Variants in UPF3A observed in about 807,000 individuals in gnomAD.
UPF3A encodes the protein regulator of nonsense transcripts 3A.
UPF3A carries 42 observed loss-of-function variants against 53.5 expected under a neutral mutation model. That is an observed-to-expected ratio of 0.78 (90% CI 0.61 to 1.01). The LOEUF (loss-of-function observed/expected upper bound fraction) is 1.01. Among genes scored for constraint, UPF3A ranks in the 50% least tolerant of loss-of-function variants. The pLI is 0.00. For synonymous variants in UPF3A, 237 were observed against 225.3 expected (o/e 1.05, Z -0.47); for missense variants, 575 against 598.0 (o/e 0.96, Z 0.40).
At chr13:114,294,993 T>C (rs1286730164) in intron 7 of UPF3A, among the ~76,000 whole-genome samples, 2 of 150,638 alleles carry the variant, frequency 1.3e-5, no homozygotes, top group African/African-American at 4.9e-5. Context: ...GAGCCTGTAG[T>C]CCCAGCTACT....
intron 9 of UPF3A, 98 bp downstream of exon 9, chr13:114,302,123 A>G: frequency 8.1e-7 from 1 of 1,240,472 alleles, no homozygotes; most frequent in Non-Finnish European, 1.1e-6. Flanking sequence ...TGTCTTGGGG[A>G]ACGCAGTGCT....
chr13:114,303,143 A>C (rs1201751184), intron 9 of UPF3A, among the ~76,000 whole-genome samples: 1 of 152,054 alleles, frequency 6.6e-6, no homozygotes, highest in African/African-American at 2.4e-5. Context: ...AAGCCAGAGG[A>C]GAGCCTTCTT....
At chr13:114,288,665 G>T (rs868460980) in intron 5 of UPF3A, among the ~76,000 whole-genome samples, 1 of 152,134 alleles carries the variant, frequency 6.6e-6, no homozygotes, top group African/African-American at 2.4e-5. Flanking sequence ...ATAGACTGTG[G>T]ATGCCAAGAG....
intron 7 of UPF3A, among the ~76,000 whole-genome samples, chr13:114,297,758 G>A (rs941690238): frequency 1.3e-5 from 2 of 152,152 alleles, no homozygotes; most frequent in African/African-American, 4.8e-5. Flanking sequence ...GAACCAGGGT[G>A]GCAGAGGTTG....
intron 8 of UPF3A, among the ~76,000 whole-genome samples, chr13:114,299,496 G>T (rs1041543497): frequency 2.0e-5 from 3 of 152,176 alleles, no homozygotes; most frequent in African/African-American, 7.2e-5. Context: ...GTGATCCTTT[G>T]GTTGAAGCTG....
At chr13:114,301,029 T>TC (rs2086561564) in intron 8 of UPF3A, among the ~76,000 whole-genome samples, 1 of 151,356 alleles carries the variant, frequency 6.6e-6, no homozygotes, top group South Asian at 2.1e-4. Context: ...CAGGCTGGTC[T>TC]CCAACTCCTG....
At chr13:114,303,378 G>T (rs1044770702) in intron 9 of UPF3A, among the ~76,000 whole-genome samples, 15 of 152,322 alleles carry the variant, frequency 9.8e-5, no homozygotes, top group African/African-American at 2.6e-4. Flanking sequence ...GTGCTGTGGT[G>T]GGAATGAGGC....
Position 114,282,043 on chromosome 13 carries a change from C to T in UPF3A, c.230C>T (p.Pro77Leu), listed in dbSNP as rs778022698. 6.1e-5 allele frequency: 95 copies of T among 1,567,756 alleles called. 1 individual carries two copies. In the South Asian group the frequency reaches 1.0e-3, roughly 17 times the overall value. ...CAGGTGGTCATCCGCCGCCTGCCTC[C>T]GGGCCTCACCAAGGAGCAGCTGGAG... Reference protein sequence around the residue: ...LSKVVIRRLPPGLTKEQLEEQ... With the variant: ...LSKVVIRRLPLGLTKEQLEEQ... Residue 77 changes from proline to leucine, a missense_variant, in exon 2 of 10, where the codon CCG becomes CTG. Around this residue, in one of 2 missense-constraint regions of UPF3A, gnomAD observed 252 missense variants for 182.7 expected, o/e 1.38. Transcript: ENST00000375299.
Position 114,286,541 on chromosome 13 carries a change from A to G in UPF3A, c.543A>G (p.Leu181=). 1 of 1,613,222 alleles carries G rather than the reference A, an allele frequency of 6.2e-7. No individual in the cohort carries two copies. The highest frequency in any genetic ancestry group is 2.2e-5 in the East Asian group (1 of 44,884). The part of the protein sequence containing the change: ...IEDDPEYKKF[L]ETYCVEEEKT... ...TAGATCCAGAATATAAGAAGTTTTTAGAAACCTACTGTGTGGAGGAAGAGA... is the reference window on the plus strand; with the variant it reads ...TAGATCCAGAATATAAGAAGTTTTTGGAAACCTACTGTGTGGAGGAAGAGA... The change falls in exon 5 of 10, where the codon TTA becomes TTG. Residue 181 remains leucine (L), a synonymous_variant. Transcript: ENST00000375299.
chr13:114,293,468 C>T (rs979477126), intron 7 of UPF3A, among the ~76,000 whole-genome samples: 3 of 152,006 alleles, frequency 2.0e-5, no homozygotes, highest in Non-Finnish European at 4.4e-5. Flanking sequence ...GACTCAGAAC[C>T]GGGTTTTATC....
At chr13:114,293,050 C>T (rs538346841) in intron 7 of UPF3A, among the ~76,000 whole-genome samples, 11 of 124,724 alleles carry the variant, frequency 8.8e-5, no homozygotes, top group Non-Finnish European at 1.7e-4. Flanking sequence ...CCAGCCTGGG[C>T]GACAGAGCAA....
intron 3 of UPF3A, chr13:114,283,736 C>T (rs998983288): frequency 2.0e-6 from 2 of 984,456 alleles, no homozygotes; most frequent in African/African-American, 1.7e-5. Context: ...GTTCCCTTAT[C>T]AGTACTTCTA....
At chr13:114,284,891 G>T (rs1218203969) in intron 3 of UPF3A, among the ~76,000 whole-genome samples, 1 of 152,164 alleles carries the variant, frequency 6.6e-6, no homozygotes, top group Non-Finnish European at 1.5e-5. Flanking sequence ...GAGCTCAAGC[G>T]ATTCCCCCCA....
intron 7 of UPF3A, among the ~76,000 whole-genome samples, chr13:114,294,242 G>A (rs1237466774): frequency 1.4e-5 from 2 of 147,674 alleles, no homozygotes; most frequent in Non-Finnish European, 3.0e-5. Flanking sequence ...ATGGCTCATG[G>A]CTATTTTGCT....
intron 7 of UPF3A, among the ~76,000 whole-genome samples, chr13:114,295,172 C>T (rs1328742158): frequency 1.3e-5 from 2 of 151,984 alleles, no homozygotes; most frequent in Non-Finnish European, 2.9e-5. Context: ...GTTTAATGTT[C>T]CTCTGAGGAT....
In UPF3A at chr13:114,282,231, G is replaced by T. The variant is rs2084149094; in HGVS notation, c.314+104G>T. ...CCTTACCCTGATTTCTCCTATATGG[G>T]AGTCGTGTGAGCTTTTTGAATAAAT... On this transcript the variant is annotated intron_variant, in intron 2 of 9. Coordinates refer to ENST00000375299, the MANE Select transcript of UPF3A (RefSeq NM_023011.4). 7 of 954,392 alleles carry T rather than the reference G, an allele frequency of 7.3e-6. 1 individual carries two copies. Among genetic ancestry groups the T allele is most frequent in the South Asian group, 3.4e-5 (2 of 58,336 alleles). The allele number at this position is 954,392 out of a possible 1,614,324, so 59.1% of individuals were successfully genotyped here. A position where few individuals can be genotyped will look rare whatever the true frequency, so the allele number is the denominator to read the frequency against.
At chr13:114,288,413 C>A (rs2084939142) in intron 5 of UPF3A, among the ~76,000 whole-genome samples, 1 of 152,122 alleles carries the variant, frequency 6.6e-6, no homozygotes, top group South Asian at 2.1e-4. Flanking sequence ...AGGAGATGAG[C>A]TGAGCCTGGC....
chr13:114,303,182 A>C (rs761339313), intron 9 of UPF3A, among the ~76,000 whole-genome samples: 1 of 152,166 alleles, frequency 6.6e-6, no homozygotes, highest in Non-Finnish European at 1.5e-5. Flanking sequence ...ACACCTCTAG[A>C]ATACTCCAGT....
At position 114,286,286 on chromosome 13, in the gene UPF3A, T is replaced by C; in HGVS notation, c.422-16T>C. ...GAATTTCAGAATGGCTTCTGGAACATGTTTCCTGTTAAAAGGCCTAGAATA... is the reference window on the plus strand; with the variant it reads ...GAATTTCAGAATGGCTTCTGGAACACGTTTCCTGTTAAAAGGCCTAGAATA... On this transcript the variant is annotated splice_polypyrimidine_tract_variant and intron_variant, in intron 3 of 9. Transcript: ENST00000375299. 6.2e-7 allele frequency: 1 copy of C among 1,610,886 alleles called. No individual in the cohort carries two copies. The highest frequency in any genetic ancestry group is 8.5e-7 in the Non-Finnish European group (1 of 1,179,182).
Sources: allele counts gnomAD v4.1 joint callset (sites outside exome capture counted in the v4.1 genomes callset), GRCh38; gene constraint gnomAD v4.1.1; regional missense constraint gnomAD v4.1.1; transcripts MANE v1.5; gene names NCBI Gene and HGNC (gene_info 2026-07-23, HGNC 2026-07-21).